ATXN3: variants seen among roughly 807,000 people sequenced by gnomAD.
ATXN3 encodes ataxin 3, also known as ataxin-3.
In ATXN3, 28 loss-of-function variants were observed where a neutral mutation model predicts 58.2. The observed-to-expected ratio is 0.48, with a 90% CI of 0.36 to 0.66. The LOEUF (loss-of-function observed/expected upper bound fraction) is 0.66. Ranked by LOEUF, ATXN3 falls within the 30% of genes least tolerant of loss-of-function variation. The pLI is 0.00. For synonymous variants in ATXN3, 113 were observed against 138.5 expected, an observed-to-expected ratio of 0.82 and a Z score of 1.29; for missense variants, 321 against 422.1, an observed-to-expected ratio of 0.76 and a Z score of 2.10.
chr14:92,057,429 C>CG (rs1389922379), downstream of ATXN3, among the ~76,000 whole-genome samples: 2 of 79,286 alleles, frequency 2.5e-5, no homozygotes, highest in East Asian at 4.6e-4. Context: ...AACAACAAAG[C>CG]GGGGGGAGGG....
intron 1 of ATXN3, 80 bp downstream of exon 1, chr14:92,106,449 G>T: frequency 6.3e-7 from 1 of 1,583,568 alleles, no homozygotes; most frequent in Non-Finnish European, 8.7e-7. Flanking sequence ...GCCCCACCCA[G>T]CCCTCCGAGA....
chr14:92,106,514 A>C lies in ATXN3; in HGVS notation c.24+15T>G, dbSNP rs1256523274. On this transcript the variant is annotated intron_variant, in intron 1 of 10. Coordinates refer to ENST00000644486, the MANE Select transcript of ATXN3 (RefSeq NM_004993.6). ...CCGCGCGGCAGACAGCTCCCCACCGAACGCGGACACTCACTTTCTCGTGGA... is the reference window on the plus strand; with the variant it reads ...CCGCGCGGCAGACAGCTCCCCACCGCACGCGGACACTCACTTTCTCGTGGA... 1.2e-6 allele frequency: 2 copies of C among 1,612,976 alleles called. No individual in the cohort carries two copies. The highest frequency in any genetic ancestry group is 1.7e-5 in the Admixed American group (1 of 59,964).
At chr14:92,092,859 A>T (rs200105341) in intron 5 of ATXN3, among the ~76,000 whole-genome samples, 17 of 75,446 alleles carry the variant, frequency 2.3e-4, no homozygotes, top group East Asian at 1.3e-3. Flanking sequence ...TTTTAAATAT[A>T]TTTTTTTTAT....
rs1324067661 is a variant in ATXN3 at position 92,094,568 on chromosome 14, G to T, written c.235-737C>A. ...GGGCATTTAAACTGAAGGTTCCATA[G>T]ATGTCAGACTTCTAGGGTCATGGGC... On this transcript the variant is annotated intron_variant, in intron 3 of 10. Transcript: ENST00000644486. Among the ~76,000 whole-genome samples the T allele has an allele frequency of 3.3e-5, 5 of 152,202 alleles. No individual in the cohort carries two copies. In the East Asian group the frequency reaches 9.6e-4, roughly 29 times the overall value.
At chr14:92,084,848 G>A (rs1156671386) in intron 6 of ATXN3, among the ~76,000 whole-genome samples, 1 of 152,044 alleles carries the variant, frequency 6.6e-6, no homozygotes, top group East Asian at 1.9e-4. Context: ...CCAAAGTGCT[G>A]GGATTACAGG....
intron 6 of ATXN3, chr14:92,083,543 A>G (rs756515140): frequency 7.8e-6 from 4 of 514,530 alleles, no homozygotes; most frequent in South Asian, 6.3e-5. Context: ...CCCTACTAAT[A>G]TAGTACTTGA....
At chr14:92,093,045 ATTTATT>A (rs869090647) in intron 5 of ATXN3, among the ~76,000 whole-genome samples, 2 of 133,126 alleles carry the variant, frequency 1.5e-5, no homozygotes, top group African/African-American at 2.9e-5. Flanking sequence ...TTTTTTTTTT[ATTTATT>A]TTTATTTTTA....
chr14:92,105,635 C>T (rs1956416), intron 1 of ATXN3, among the ~76,000 whole-genome samples: 43,499 of 151,996 alleles, frequency 0.29, 6,457 homozygotes, highest in Admixed American at 0.38. Context: ...AACATGATAC[C>T]ATGTGCCAAA....
intron 9 of ATXN3, among the ~76,000 whole-genome samples, chr14:92,075,038 TAG>T (rs1566932340): frequency 6.6e-6 from 1 of 152,138 alleles, no homozygotes; most frequent in African/African-American, 2.4e-5. Flanking sequence ...GCTGATGTAG[TAG>T]AGTTTTGCTT....
chr14:92,068,444 T>C (rs114495966), intron 10 of ATXN3, among the ~76,000 whole-genome samples: 3,119 of 152,268 alleles, frequency 0.02, 123 homozygotes, highest in African/African-American at 0.072. Flanking sequence ...GGTTTTCTCT[T>C]GGTCTGAACC....
intron 1 of ATXN3, among the ~76,000 whole-genome samples, chr14:92,102,314 A>T (rs971880581): frequency 9.2e-5 from 14 of 152,124 alleles, no homozygotes; most frequent in Admixed American, 3.3e-4. Context: ...AACAAAAAAA[A>T]AAATAAAAGA....
At chr14:92,088,601 C>G (rs1350614081) in intron 6 of ATXN3, 129 bp downstream of exon 6, 1 of 716,710 alleles carries the variant, frequency 1.4e-6, no homozygotes, top group Non-Finnish European at 2.4e-6. Context: ...CAGCCTATCA[C>G]CACGTCAAAA....
At chr14:92,076,621 C>G (rs2060430796) in intron 9 of ATXN3, among the ~76,000 whole-genome samples, 1 of 151,582 alleles carries the variant, frequency 6.6e-6, no homozygotes, top group African/African-American at 2.4e-5. Context: ...TGATGTATGT[C>G]TTTAGACCAT....
intron 5 of ATXN3, among the ~76,000 whole-genome samples, chr14:92,091,760 C>G (rs972629475): frequency 6.6e-6 from 1 of 152,032 alleles, no homozygotes; most frequent in Non-Finnish European, 1.5e-5. Flanking sequence ...TGCAGTAGCA[C>G]GATCATGATT....
intron 9 of ATXN3, among the ~76,000 whole-genome samples, chr14:92,076,583 C>A (rs55693371): frequency 6.6e-6 from 1 of 151,108 alleles, no homozygotes; most frequent in African/African-American, 2.4e-5. Context: ...TTAGATATAC[C>A]TGTAAATTTT....
At chr14:92,102,205 AAAAG>A (rs1393932470) in intron 1 of ATXN3, among the ~76,000 whole-genome samples, 5 of 150,464 alleles carry the variant, frequency 3.3e-5, no homozygotes, top group South Asian at 2.3e-4. Flanking sequence ...CCAAAGAAAG[AAAAG>A]AAAGAAAGAA....
At chr14:92,091,838 A>T (rs1595882972) in intron 5 of ATXN3, among the ~76,000 whole-genome samples, 1 of 149,696 alleles carries the variant, frequency 6.7e-6, no homozygotes, top group African/African-American at 2.5e-5. Flanking sequence ...GCCATGCATC[A>T]CCACGCCTAG....
At chr14:92,055,240 C>A (rs959184181), downstream of ATXN3, among the ~76,000 whole-genome samples, 1 of 152,032 alleles carries the variant, frequency 6.6e-6, no homozygotes, top group Non-Finnish European at 1.5e-5. This position sits in a 1 kb window ranked among gnomAD's most constrained non-coding sequence, Gnocchi z 4.5. Flanking sequence ...CTCTCCTGGT[C>A]CCTGTGTTCT....
Position 92,062,757 on chromosome 14 carries a change from AT to A in ATXN3, c.*1562del, listed in dbSNP as rs1384737035. The A allele has an allele frequency of 1.3e-5, 2 of 152,666 alleles. No homozygotes were observed. The highest frequency in any genetic ancestry group is 2.9e-5 in the Non-Finnish European group (2 of 68,040). 9.5% of individuals were successfully genotyped at this position (152,666 alleles called of 1,614,324 possible). A position where few individuals can be genotyped will look rare whatever the true frequency, so the allele number is the denominator to read the frequency against. On this transcript the variant is annotated 3_prime_UTR_variant, in exon 11 of 11. Transcript: ENST00000644486. ...ATATCGAAGAAAAAGCTATTTTATAATCATAAATAAAAGATATTTTTTCTTC... is the reference window on the plus strand; with the variant it reads ...ATATCGAAGAAAAAGCTATTTTATAACATAAATAAAAGATATTTTTTCTTC...
Sources: gnomAD v4.1 joint callset for allele counts (sites outside exome capture counted in the v4.1 genomes callset) on GRCh38, gnomAD v4.1.1 for gene constraint, Gnocchi (gnomAD v3.1) non-coding constraint, MANE v1.5 for transcripts, NCBI Gene and HGNC (gene_info 2026-07-23, HGNC 2026-07-21) for gene names.